The following CEP128 variants were observed in gnomAD, a reference collection of about 807,000 sequenced individuals.
The protein encoded by CEP128 is centrosomal protein 128, also known as centrosomal protein 128kDa.
CEP128 carries 132 observed loss-of-function variants against 156.7 expected under a neutral mutation model. The ratio of observed to expected loss-of-function variants is 0.84; its 90% CI spans 0.73 to 0.97. The LOEUF (loss-of-function observed/expected upper bound fraction) is 0.97. Ranked by LOEUF, CEP128 falls within the 50% of genes least tolerant of loss-of-function variation. CEP128 has a pLI of 0.00. For missense variants in CEP128, 1,252 were observed against 1,281.9 expected (o/e 0.98, Z 0.36); for synonymous variants, 469 against 448.9 (o/e 1.04, Z -0.57).
rs558221788 is a variant in CEP128, at chr14:80,631,205, TAG to T, written c.2807-50784_2807-50783del. Reference sequence around the variant, plus strand: ...CATTGAGAATCTGATGAACACTAAGTAGAGTCTTTAGCCCAGAAATATCCACC... The same window carrying T: ...CATTGAGAATCTGATGAACACTAAGTAGTCTTTAGCCCAGAAATATCCACC... On this transcript the variant is annotated intron_variant, in intron 19 of 24. Transcript: ENST00000555265. Among the ~76,000 whole-genome samples, 607 of 152,136 alleles carry T rather than the reference TAG, an allele frequency of 4.0e-3. 4 individuals carry two copies. The highest frequency in any genetic ancestry group is 8.9e-3 in the Admixed American group (136 of 15,274).
intron 19 of CEP128, among the ~76,000 whole-genome samples, chr14:80,612,944 A>G (rs1595088531): frequency 6.7e-6 from 1 of 149,638 alleles, no homozygotes; most frequent in African/African-American, 2.5e-5. Context: ...GGGTTCAAGC[A>G]ATTCTCCTGC....
At chr14:80,817,806 G>C (rs775901122) in intron 13 of CEP128, among the ~76,000 whole-genome samples, 2 of 151,948 alleles carry the variant, frequency 1.3e-5, no homozygotes, top group Admixed American at 6.6e-5. Flanking sequence ...ACTTGAACCT[G>C]GGAGGCGGAG....
intron 13 of CEP128, among the ~76,000 whole-genome samples, chr14:80,826,258 A>AATAG (rs1485753250): frequency 2.0e-5 from 3 of 152,156 alleles, no homozygotes; most frequent in Non-Finnish European, 4.4e-5. Flanking sequence ...TAACTTTATT[A>AATAG]ATAGCTTCTC....
chr14:80,520,704 C>A (rs1389112428), intron 23 of CEP128, among the ~76,000 whole-genome samples: 2 of 151,878 alleles, frequency 1.3e-5, no homozygotes, highest in East Asian at 3.9e-4. Flanking sequence ...TAAAAATTTG[C>A]CATAAACAAG....
chr14:80,959,014 T>G (rs1886869514), intron 1 of CEP128, among the ~76,000 whole-genome samples: 1 of 152,242 alleles, frequency 6.6e-6, no homozygotes, highest in South Asian at 2.1e-4. Context: ...CTAAACTTTA[T>G]CTTCTACTCA....
At chr14:80,671,909 G>T (rs1476811439) in intron 19 of CEP128, among the ~76,000 whole-genome samples, 2 of 151,872 alleles carry the variant, frequency 1.3e-5, no homozygotes, top group African/African-American at 4.8e-5. Context: ...GGGGACAGGT[G>T]GGGTAGAATT....
intron 19 of CEP128, among the ~76,000 whole-genome samples, chr14:80,600,709 T>C (rs904176617): frequency 1.3e-5 from 2 of 152,198 alleles, no homozygotes; most frequent in Admixed American, 6.5e-5. Context: ...TTTAGATGTT[T>C]ACAAATATCT....
chr14:80,507,672 C>T (rs773455651), intron 23 of CEP128, among the ~76,000 whole-genome samples: 12 of 152,276 alleles, frequency 7.9e-5, no homozygotes, highest in East Asian at 3.9e-4. Context: ...TACTCACTAA[C>T]GCCACAACTG....
chr14:80,940,247 T>A (rs1189959278), intron 1 of CEP128, among the ~76,000 whole-genome samples: 1 of 152,124 alleles, frequency 6.6e-6, no homozygotes, highest in Non-Finnish European at 1.5e-5. Context: ...GGTTATGCAA[T>A]GGCAGACAAG....
At chr14:80,693,042 A>AT (rs989087214) in intron 19 of CEP128, among the ~76,000 whole-genome samples, 2 of 152,198 alleles carry the variant, frequency 1.3e-5, no homozygotes, top group Non-Finnish European at 2.9e-5. Context: ...ATTTCTAAAA[A>AT]GCTCTCAAGT....
intron 6 of CEP128, among the ~76,000 whole-genome samples, chr14:80,904,335 C>T (rs563125386): frequency 1.3e-5 from 2 of 151,448 alleles, no homozygotes; most frequent in Non-Finnish European, 2.9e-5. Flanking sequence ...CAGAGGGTGG[C>T]GGGGAGAGGG....
At chr14:80,942,846 C>G (rs1178862624), upstream of CEP128, among the ~76,000 whole-genome samples, 1 of 152,048 alleles carries the variant, frequency 6.6e-6, no homozygotes, top group African/African-American at 2.4e-5. Flanking sequence ...TCCCTCCCAA[C>G]AGGCAGAGTC....
chr14:80,540,260 G>A (rs766278375), intron 21 of CEP128, among the ~76,000 whole-genome samples: 11 of 147,114 alleles, frequency 7.5e-5, no homozygotes, highest in Non-Finnish European at 1.5e-4. Flanking sequence ...GAGCATCACA[G>A]TCCTACTGAT....
intron 21 of CEP128, among the ~76,000 whole-genome samples, chr14:80,538,380 T>A (rs1253645548): frequency 6.6e-6 from 1 of 152,202 alleles, no homozygotes; most frequent in African/African-American, 2.4e-5. Context: ...AGCACAAAAA[T>A]TACTTTTGTA....
chr14:80,850,566 C>G (rs1886840913), intron 9 of CEP128, among the ~76,000 whole-genome samples: 1 of 152,176 alleles, frequency 6.6e-6, no homozygotes, highest in African/African-American at 2.4e-5. Flanking sequence ...GGAATTGTAT[C>G]TACAAAGTCT....
At chr14:80,724,160 G>C (rs1005355606) in intron 19 of CEP128, among the ~76,000 whole-genome samples, 2 of 152,192 alleles carry the variant, frequency 1.3e-5, no homozygotes, top group Non-Finnish European at 2.9e-5. Context: ...CAGGAACCAT[G>C]TGCTCACAAT....
chr14:80,720,186 A>C (rs1224211151), intron 19 of CEP128, among the ~76,000 whole-genome samples: 1 of 152,142 alleles, frequency 6.6e-6, no homozygotes, highest in East Asian at 1.9e-4. Flanking sequence ...TAAGAGAAAC[A>C]AAAATAAGGC....
At chr14:80,954,587 C>T (rs1886557805) in intron 2 of CEP128, among the ~76,000 whole-genome samples, 3 of 152,088 alleles carry the variant, frequency 2.0e-5, no homozygotes, top group Admixed American at 1.3e-4. Context: ...ATTCTGATTC[C>T]CATAACCACA....
chr14:80,602,462 T>C (rs1171863220), intron 19 of CEP128, among the ~76,000 whole-genome samples: 2 of 152,124 alleles, frequency 1.3e-5, no homozygotes, highest in Non-Finnish European at 2.9e-5. Flanking sequence ...TGATAGGCCA[T>C]CAATAATGTC....
Sources: allele counts gnomAD v4.1 joint callset (sites outside exome capture counted in the v4.1 genomes callset), GRCh38; gene constraint gnomAD v4.1.1; transcripts MANE v1.5; gene names NCBI Gene and HGNC (gene_info 2026-07-23, HGNC 2026-07-21).